BBS9: variants seen among roughly 807,000 people sequenced by gnomAD.
BBS9 encodes protein PTHB1.
BBS9 carries 89 observed loss-of-function variants against 117.7 expected under a neutral mutation model. The observed-to-expected ratio is 0.76, with a 90% confidence interval of 0.64 to 0.90. The LOEUF is 0.90. Among genes scored for constraint, BBS9 ranks in the 40% least tolerant of loss-of-function variants. The pLI, the probability that BBS9 is intolerant of heterozygous loss-of-function variation, is 0.00. For synonymous variants in BBS9, 379 were observed against 370.9 expected (o/e 1.02, Z -0.25); for missense variants, 982 against 1,042.2 (o/e 0.94, Z 0.80).
chr7:33,544,854 G>C (rs1853029436), intron 21 of BBS9, among the ~76,000 whole-genome samples: 1 of 152,142 alleles, frequency 6.6e-6, no homozygotes. Flanking sequence ...GGCTGTCCTT[G>C]AGGGGGTCTT....
intron 5 of BBS9, among the ~76,000 whole-genome samples, chr7:33,191,239 G>A (rs933634523): frequency 6.6e-6 from 1 of 152,122 alleles, no homozygotes; most frequent in Non-Finnish European, 1.5e-5. Context: ...GTTTTTCAGG[G>A]TATGCAAAAC....
chr7:33,444,656 G>T (rs1326162120), intron 19 of BBS9, among the ~76,000 whole-genome samples: 1 of 152,206 alleles, frequency 6.6e-6, no homozygotes, highest in East Asian at 1.9e-4. Flanking sequence ...CAAAGAACGT[G>T]TACTAAATGA....
intron 21 of BBS9, among the ~76,000 whole-genome samples, chr7:33,591,346 C>G (rs1034510545): frequency 6.6e-6 from 1 of 152,014 alleles, no homozygotes; most frequent in African/African-American, 2.4e-5. Flanking sequence ...ATAGAAAGGG[C>G]TTTGCATGTG....
At chr7:33,604,135 G>C (rs1864226819) in intron 21 of BBS9, among the ~76,000 whole-genome samples, 1 of 152,172 alleles carries the variant, frequency 6.6e-6, no homozygotes, top group Non-Finnish European at 1.5e-5. Flanking sequence ...TACATTTCCA[G>C]GAAATGATGG....
At chr7:33,299,697 G>GC (rs1176189132) in intron 9 of BBS9, among the ~76,000 whole-genome samples, 1 of 151,422 alleles carries the variant, frequency 6.6e-6, no homozygotes, top group African/African-American at 2.4e-5. Flanking sequence ...CCTGTGCTTT[G>GC]CATCAATCAG....
At chr7:33,481,687 A>T (rs529382030) in intron 19 of BBS9, among the ~76,000 whole-genome samples, 113 of 152,300 alleles carry the variant, frequency 7.4e-4, no homozygotes, top group African/African-American at 2.6e-3. Flanking sequence ...GTAGTAAATA[A>T]TTTTAAGTAA....
intron 5 of BBS9, among the ~76,000 whole-genome samples, chr7:33,245,960 A>G (rs568895293): frequency 6.6e-6 from 1 of 152,136 alleles, no homozygotes; most frequent in Non-Finnish European, 1.5e-5. Context: ...TATCTTGTTT[A>G]TGAATTTATA....
chr7:33,317,710 A>G (rs1231133663), intron 9 of BBS9, among the ~76,000 whole-genome samples: 5 of 152,200 alleles, frequency 3.3e-5, no homozygotes, highest in African/African-American at 7.2e-5. Context: ...TGAAATCAGA[A>G]GAGATCTTTG....
At chr7:33,375,293 G>A (rs1823641945) in intron 17 of BBS9, among the ~76,000 whole-genome samples, 1 of 152,056 alleles carries the variant, frequency 6.6e-6, no homozygotes, top group Non-Finnish European at 1.5e-5. Flanking sequence ...TGTTCATTTT[G>A]ACAGCTATTT....
At chr7:33,402,543 T>A (rs951490941) in intron 19 of BBS9, among the ~76,000 whole-genome samples, 1 of 152,174 alleles carries the variant, frequency 6.6e-6, no homozygotes, top group Non-Finnish European at 1.5e-5. Context: ...AAACTACTAA[T>A]CTACTTTCTG....
At chr7:33,394,746 T>C (rs1827660904) in intron 19 of BBS9, among the ~76,000 whole-genome samples, 3 of 152,224 alleles carry the variant, frequency 2.0e-5, no homozygotes, top group Admixed American at 2.0e-4. Flanking sequence ...ACTGAATGTA[T>C]TTTTGGAGGA....
At chr7:33,144,467 A>G (rs1254704112) in intron 1 of BBS9, among the ~76,000 whole-genome samples, 1 of 152,214 alleles carries the variant, frequency 6.6e-6, no homozygotes, top group Non-Finnish European at 1.5e-5. Flanking sequence ...GCAAAGGAGT[A>G]AAAATTGAGT....
chr7:33,555,283 T>C (rs1855117431), intron 21 of BBS9, among the ~76,000 whole-genome samples: 1 of 152,170 alleles, frequency 6.6e-6, no homozygotes, highest in Non-Finnish European at 1.5e-5. Context: ...TGTGTTGTCT[T>C]CTCCCACTCT....
At chr7:33,570,295 A>C (rs1857573957) in intron 21 of BBS9, among the ~76,000 whole-genome samples, 1 of 152,222 alleles carries the variant, frequency 6.6e-6, no homozygotes, top group South Asian at 2.1e-4. Flanking sequence ...CTCAAAAGAC[A>C]TAGAAGCCAG....
At chr7:33,386,385 A>C (rs1826005111) in intron 18 of BBS9, among the ~76,000 whole-genome samples, 1 of 151,966 alleles carries the variant, frequency 6.6e-6, no homozygotes, top group Admixed American at 6.6e-5. Context: ...TGTAAAGTTG[A>C]GTTAGTGATT....
intron 9 of BBS9, among the ~76,000 whole-genome samples, chr7:33,318,300 T>C (rs372524653): frequency 1.3e-5 from 2 of 152,328 alleles, no homozygotes; most frequent in African/African-American, 4.8e-5. Context: ...ATGTTTCATG[T>C]ATTTGCTTCT....
chr7:33,254,109 C>G (rs1386438709), intron 5 of BBS9, among the ~76,000 whole-genome samples: 1 of 152,120 alleles, frequency 6.6e-6, no homozygotes, highest in Non-Finnish European at 1.5e-5. Context: ...TGAGCCCAGA[C>G]AGATGTTCTT....
intron 21 of BBS9, among the ~76,000 whole-genome samples, chr7:33,559,627 G>A (rs1855795802): frequency 6.6e-6 from 1 of 152,098 alleles, no homozygotes. Context: ...CTGAAAAATC[G>A]CAGCCAAATA....
intron 13 of BBS9, among the ~76,000 whole-genome samples, 195 bp from the exon 14 acceptor site, chr7:33,351,024 C>T (rs1448149285): frequency 1.3e-5 from 2 of 152,172 alleles, no homozygotes; most frequent in East Asian, 3.9e-4. Flanking sequence ...CTCTGTATTT[C>T]AGTTTTCTCA....
Sources: allele counts gnomAD v4.1 joint callset (sites outside exome capture counted in the v4.1 genomes callset), GRCh38; gene constraint gnomAD v4.1.1; transcripts MANE v1.5; gene names NCBI Gene and HGNC (gene_info 2026-07-23, HGNC 2026-07-21).